The following MLIP variants were observed in gnomAD, a reference collection of about 807,000 sequenced individuals.
The protein encoded by MLIP is muscular LMNA interacting protein.
In MLIP, 79 loss-of-function variants were observed where a neutral mutation model predicts 84.8. The ratio of observed to expected loss-of-function variants is 0.93; its 90% CI spans 0.78 to 1.12. MLIP has a LOEUF of 1.12. Ranked by LOEUF, MLIP falls within the 50% of genes most tolerant of loss-of-function variation. The probability of loss-of-function intolerance (pLI) is 0.00; values close to 1 mark genes in which losing one functional copy is unlikely to be tolerated. For missense variants in MLIP, 1,257 were observed against 1,160.6 expected (o/e 1.08, Z -1.21); for synonymous variants, 504 against 463.0 (o/e 1.09, Z -1.14).
intron 9 of MLIP, among the ~76,000 whole-genome samples, chr6:54,174,990 A>G (rs2150611703): frequency 6.6e-6 from 1 of 152,084 alleles, no homozygotes; most frequent in East Asian, 1.9e-4. Context: ...CCCCAGCATC[A>G]TTTATTGAAA....
At chr6:54,090,661 ATGTGTG>A (rs145816939) in intron 1 of MLIP, among the ~76,000 whole-genome samples, 183 of 147,294 alleles carry the variant, frequency 1.2e-3, no homozygotes, top group African/African-American at 4.2e-3. Context: ...GTGTGTGTGT[ATGTGTG>A]TGTGTGTGTG....
At chr6:54,233,300 G>A (rs1445376210) in intron 12 of MLIP, among the ~76,000 whole-genome samples, 2 of 152,102 alleles carry the variant, frequency 1.3e-5, no homozygotes, top group Non-Finnish European at 2.9e-5. Context: ...TCTACATTAG[G>A]TATTTCTCCT....
At chr6:54,090,827 A>G (rs1767822690) in intron 1 of MLIP, among the ~76,000 whole-genome samples, 1 of 152,168 alleles carries the variant, frequency 6.6e-6, no homozygotes, top group South Asian at 2.1e-4. Context: ...TTTGCTTAGC[A>G]TGAATTTGAA....
chr6:54,257,200 C>A, intron 12 of MLIP, 108 bp from the exon 13 acceptor site: 3 of 753,342 alleles, frequency 4.0e-6, no homozygotes, highest in South Asian at 1.7e-5. Flanking sequence ...CCACTGTTAT[C>A]TGCAATAAAA....
At chr6:54,147,951 T>C (rs1773034219) in intron 4 of MLIP, among the ~76,000 whole-genome samples, 1 of 152,154 alleles carries the variant, frequency 6.6e-6, no homozygotes, top group South Asian at 2.1e-4. Context: ...GACTTTCTTC[T>C]TCTGGGTCTG....
At chr6:54,265,843 A>T (rs1783655020) in intron 13 of MLIP, 107 bp from the exon 14 acceptor site, 8 of 1,045,428 alleles carry the variant, frequency 7.7e-6, no homozygotes, top group Non-Finnish European at 1.1e-5. Flanking sequence ...AGTATAAACC[A>T]TTTTTTTGTA....
intron 1 of MLIP, among the ~76,000 whole-genome samples, chr6:54,117,650 T>A (rs564032889): frequency 6.6e-6 from 1 of 151,746 alleles, no homozygotes; most frequent in East Asian, 2.0e-4. Context: ...GGATCTTATA[T>A]ATAAAAAATT....
At chr6:54,083,523 C>A (rs2150360629) in intron 1 of MLIP, 2 of 1,535,722 alleles carry the variant, frequency 1.3e-6, no homozygotes, top group African/African-American at 2.7e-5. Flanking sequence ...TGACACTGAC[C>A]TTGCCGTTAC....
At chr6:54,072,097 C>T (rs913690478) in intron 1 of MLIP, among the ~76,000 whole-genome samples, 2 of 152,138 alleles carry the variant, frequency 1.3e-5, no homozygotes, top group Non-Finnish European at 2.9e-5. Context: ...AAACTACTAA[C>T]GCCAGCTGAT....
chr6:54,120,750 T>C (rs1181672723), intron 1 of MLIP, among the ~76,000 whole-genome samples: 1 of 152,134 alleles, frequency 6.6e-6, no homozygotes, highest in Non-Finnish European at 1.5e-5. Flanking sequence ...CTACCTATTA[T>C]GAAGCTTCAT....
chr6:54,091,462 A>C (rs1467735741), intron 1 of MLIP, among the ~76,000 whole-genome samples: 1 of 152,204 alleles, frequency 6.6e-6, no homozygotes, highest in African/African-American at 2.4e-5. Flanking sequence ...TCTGAGAGAA[A>C]TTATTTAGCA....
At chr6:54,054,851 T>A (rs1206916692) in intron 1 of MLIP, among the ~76,000 whole-genome samples, 1 of 152,074 alleles carries the variant, frequency 6.6e-6, no homozygotes, top group Admixed American at 6.5e-5. Context: ...TTCACATAAG[T>A]ATATTAGTTA....
rs1581962581 is a variant in MLIP at position 54,019,107 on chromosome 6, T to C, written c.63+16T>C. 4 of 1,611,392 alleles carry C rather than the reference T, an allele frequency of 2.5e-6. No homozygotes were observed. The East Asian group carries it at 6.7e-5, about 27-fold the overall frequency. On this transcript the variant is annotated intron_variant, in intron 1 of 12. Coordinates refer to the MLIP transcript ENST00000274897. ...GAAACTGACGGTAAGACATGAGATTTAGCACACACAGATTTATAATGAAAT... is the reference window on the plus strand; with the variant it reads ...GAAACTGACGGTAAGACATGAGATTCAGCACACACAGATTTATAATGAAAT...
At chr6:54,153,282 G>T (rs1773651235) in intron 5 of MLIP, among the ~76,000 whole-genome samples, 1 of 152,024 alleles carries the variant, frequency 6.6e-6, no homozygotes, top group African/African-American at 2.4e-5. Flanking sequence ...GCAAAATTTT[G>T]ATATATCCTG....
intron 4 of MLIP, 133 bp downstream of exon 4, chr6:54,138,419 G>C: frequency 4.1e-6 from 4 of 964,754 alleles, no homozygotes; most frequent in South Asian, 1.8e-5. Flanking sequence ...GTGCAAGACG[G>C]TACCAGGACT....
At chr6:54,143,358 A>G (rs1458740032) in intron 4 of MLIP, among the ~76,000 whole-genome samples, 1 of 151,654 alleles carries the variant, frequency 6.6e-6, no homozygotes, top group Non-Finnish European at 1.5e-5. Flanking sequence ...GTCACCTGCC[A>G]CCACACCCAG....
intron 11 of MLIP, chr6:54,217,760 T>G (rs567415457): frequency 1.0e-6 from 1 of 985,226 alleles, no homozygotes; most frequent in African/African-American, 1.7e-5. Context: ...CTATGTTACC[T>G]ATCTCATTGA....
chr6:54,212,158 G>T (rs184667020), intron 11 of MLIP, among the ~76,000 whole-genome samples: 3 of 152,094 alleles, frequency 2.0e-5, no homozygotes, highest in Non-Finnish European at 2.9e-5. Context: ...TTTCTTACTT[G>T]TTTCCCTAAT....
intron 1 of MLIP, among the ~76,000 whole-genome samples, chr6:54,049,277 A>G (rs1276386640): frequency 6.6e-6 from 1 of 152,182 alleles, no homozygotes; most frequent in African/African-American, 2.4e-5. Flanking sequence ...AACATACAGT[A>G]ATGGCTGAAA....
Sources: gnomAD v4.1 joint callset for allele counts (sites outside exome capture counted in the v4.1 genomes callset) on GRCh38, gnomAD v4.1.1 for gene constraint, MANE v1.5 for transcripts, NCBI Gene and HGNC (gene_info 2026-07-23, HGNC 2026-07-21) for gene names.